Variants in EPB41L2 observed in about 807,000 individuals in gnomAD.
EPB41L2 encodes band 4.1-like protein 2.
In EPB41L2, 43 loss-of-function variants were observed where a neutral mutation model predicts 113.0. The ratio of observed to expected loss-of-function variants is 0.38; its 90% CI spans 0.30 to 0.49. EPB41L2 has a LOEUF of 0.49. Ranked by LOEUF, EPB41L2 falls within the 20% of genes least tolerant of loss-of-function variation. The pLI is 0.95. For synonymous variants in EPB41L2, 442 were observed against 436.7 expected (o/e 1.01, Z -0.15); for missense variants, 1,147 against 1,223.4 (o/e 0.94, Z 0.93).
intron 4 of EPB41L2, among the ~76,000 whole-genome samples, chr6:130,912,307 AG>A (rs1304015742): frequency 1.3e-5 from 2 of 152,242 alleles, no homozygotes; most frequent in Admixed American, 6.5e-5. Context: ...AATGCTTATT[AG>A]TACACAGAAA....
In EPB41L2 at chr6:130,842,689, G is replaced by A. The variant is rs549913169; in HGVS notation, c.*6-2091C>T. Among the ~76,000 whole-genome samples the A allele has an allele frequency of 1.2e-3, 188 of 152,156 alleles. 1 individual carries two copies. Among genetic ancestry groups the A allele is most frequent in the African/African-American group, 4.3e-3 (179 of 41,516 alleles). ...AAATAAAAATTTCACTTTGTAATGA[G>A]TCATAAATTTGTAAAGAAAAGCTAA... On this transcript the variant is annotated intron_variant, in intron 19 of 19. Transcript: ENST00000337057.
At chr6:130,995,153 G>A (rs952833448) in intron 1 of EPB41L2, among the ~76,000 whole-genome samples, 4 of 151,506 alleles carry the variant, frequency 2.6e-5, no homozygotes, top group Non-Finnish European at 5.9e-5. Flanking sequence ...TGGCTAACAC[G>A]GTGGAACCCC....
chr6:130,916,071 T>G (rs1032333294), intron 4 of EPB41L2, among the ~76,000 whole-genome samples: 5 of 152,256 alleles, frequency 3.3e-5, no homozygotes, highest in African/African-American at 1.2e-4. Flanking sequence ...CTGTGTACTT[T>G]TATTATAGTT....
At chr6:131,024,301 T>C (rs913253207) in intron 1 of EPB41L2, among the ~76,000 whole-genome samples, 1 of 152,092 alleles carries the variant, frequency 6.6e-6, no homozygotes, top group Non-Finnish European at 1.5e-5. Flanking sequence ...AAATGAGTCA[T>C]TTGATATCAC....
At chr6:131,009,665 AC>A (rs1415539938) in intron 1 of EPB41L2, among the ~76,000 whole-genome samples, 1 of 138,682 alleles carries the variant, frequency 7.2e-6, no homozygotes, top group Admixed American at 7.6e-5. Context: ...ACTGTCACCC[AC>A]CCCCACCAAA....
intron 1 of EPB41L2, among the ~76,000 whole-genome samples, chr6:130,974,213 G>A (rs969881203): frequency 6.6e-6 from 1 of 152,124 alleles, no homozygotes; most frequent in Non-Finnish European, 1.5e-5. Context: ...AGAAGCACCA[G>A]AGAACTTGTG....
chr6:131,052,196 C>G (rs934955036), intron 1 of EPB41L2, among the ~76,000 whole-genome samples: 13 of 152,106 alleles, frequency 8.5e-5, no homozygotes, highest in Admixed American at 6.5e-5. Flanking sequence ...CTCAGCCTCC[C>G]GAAGTGCTAA....
chr6:130,931,971 C>T lies in EPB41L2; in HGVS notation c.706-5262G>A, dbSNP rs534767187. ...GCCTCAGTTCCGCTCTTTAAAAGTA[C>T]CCACCTTATAATGGTGATGAGATAA... On this transcript the variant is annotated intron_variant, in intron 3 of 19. Coordinates refer to ENST00000337057, the MANE Select transcript of EPB41L2 (RefSeq NM_001431.4). Among the ~76,000 whole-genome samples the T allele has an allele frequency of 1.2e-4, 19 of 152,206 alleles. 1 individual carries two copies. The highest frequency in any genetic ancestry group is 4.6e-4 in the African/African-American group (19 of 41,540).
chr6:130,903,102 G>GA, intron 6 of EPB41L2, among the ~76,000 whole-genome samples: 1 of 152,098 alleles, frequency 6.6e-6, no homozygotes. Context: ...CATTTATATG[G>GA]AAAACCAAAG....
chr6:131,014,930 T>G (rs1238234641), intron 1 of EPB41L2, among the ~76,000 whole-genome samples: 4 of 152,144 alleles, frequency 2.6e-5, no homozygotes, highest in African/African-American at 4.8e-5. Context: ...GAATTCAAAA[T>G]AGAAATTCAA....
chr6:130,961,923 T>A (rs1773666084), intron 1 of EPB41L2, among the ~76,000 whole-genome samples: 1 of 152,322 alleles, frequency 6.6e-6, no homozygotes. Flanking sequence ...AACAAAACTT[T>A]GCAACAAATA....
At chr6:130,890,151 G>A in intron 11 of EPB41L2, 143 bp downstream of exon 11, 1 of 754,192 alleles carries the variant, frequency 1.3e-6, no homozygotes, top group South Asian at 3.4e-5. Context: ...GTAGGTGTAA[G>A]TAATAGCATT....
At chr6:130,926,583 A>C in intron 4 of EPB41L2, 22 bp downstream of exon 4, 1 of 1,502,802 alleles carries the variant, frequency 6.7e-7, no homozygotes, top group South Asian at 1.2e-5. Context: ...AAAAAGATAA[A>C]AATAAACTTG....
chr6:130,885,175 G>A lies in EPB41L2; in HGVS notation c.1754C>T (p.Ala585Val), dbSNP rs983182524. ...SAYGPGLVSI[A>V]VVQDGDGRRE... ...CCTGCCGTCCCCATCTTGTACCACG[G>A]CAATGCTGACAAGTCCAGGTCCATA... Residue 585 changes from alanine to valine, a missense_variant, in exon 12 of 20, where the codon GCC becomes GTC. Coordinates refer to ENST00000337057, the MANE Select transcript of EPB41L2 (RefSeq NM_001431.4). 3.7e-6 allele frequency: 6 copies of A among 1,613,998 alleles called. No homozygotes were observed. The African/African-American group carries it at 6.7e-5, about 18-fold the overall frequency.
intron 1 of EPB41L2, among the ~76,000 whole-genome samples, chr6:131,008,715 T>C (rs986079350): frequency 2.6e-5 from 4 of 152,352 alleles, no homozygotes; most frequent in Admixed American, 6.5e-5. Context: ...TCTTGCATCA[T>C]GATCTGGATG....
intron 1 of EPB41L2, among the ~76,000 whole-genome samples, chr6:131,014,730 C>T (rs915318563): frequency 2.0e-5 from 3 of 152,116 alleles, no homozygotes; most frequent in Non-Finnish European, 4.4e-5. Flanking sequence ...AAAGGAACCT[C>T]GATTCAATTA....
At chr6:130,904,364 GT>G in intron 6 of EPB41L2, 100 bp downstream of exon 6, 1 of 711,316 alleles carries the variant, frequency 1.4e-6, no homozygotes, top group Admixed American at 3.1e-5. Context: ...AAGAAAAACT[GT>G]TTTGGTTTTC....
intron 19 of EPB41L2, among the ~76,000 whole-genome samples, chr6:130,841,216 T>C (rs985266924): frequency 2.3e-5 from 2 of 85,530 alleles, no homozygotes; most frequent in South Asian, 6.5e-4. Context: ...CTTGATCTAA[T>C]TGACCAAAAA....
Position 130,880,354 on chromosome 6 carries a change from A to G in EPB41L2, c.1834-148T>C, listed in dbSNP as rs1027933850. Reference sequence around the variant, plus strand: ...TCTTATGAACTTAAAGCCACAACAAACACAACTCACAAATAAACCCTGAGA... The same window carrying G: ...TCTTATGAACTTAAAGCCACAACAAGCACAACTCACAAATAAACCCTGAGA... On this transcript the variant is annotated intron_variant, in intron 12 of 19. Transcript: ENST00000337057. 2.4e-5 allele frequency: 15 copies of G among 628,804 alleles called. No homozygotes were observed. In the Admixed American group the frequency reaches 4.2e-4, roughly 18 times the overall value. 39.0% of individuals were successfully genotyped at this position (628,804 alleles called of 1,614,324 possible).
Sources: gnomAD v4.1 joint callset for allele counts (sites outside exome capture counted in the v4.1 genomes callset) on GRCh38, gnomAD v4.1.1 for gene constraint, MANE v1.5 for transcripts, NCBI Gene and HGNC (gene_info 2026-07-23, HGNC 2026-07-21) for gene names.